Variants in UTRN observed in about 807,000 individuals in gnomAD.
The protein encoded by UTRN is dystrophin-related protein 1.
A neutral mutation model predicts 463.9 loss-of-function variants in UTRN; 283 were observed. That is an observed-to-expected ratio of 0.61 (90% CI 0.55 to 0.67). UTRN has a LOEUF of 0.67. Ranked by LOEUF, UTRN falls within the 30% of genes least tolerant of loss-of-function variation. UTRN has a pLI of 0.00. For missense variants in UTRN, 3,922 were observed against 4,084.3 expected (o/e 0.96, Z 1.08); for synonymous variants, 1,442 against 1,431.5 (o/e 1.01, Z -0.17).
At position 144,531,113 on chromosome 6, in the gene UTRN, C is replaced by G. The variant is rs1195482121; in HGVS notation, c.5968C>G (p.Gln1990Glu). ...CCATTGTGACCTTAATGACCTCACA[C>G]AGTGGATAACAGAGGCTGAAGAATT... ...QFHCDLNDLT[Q>E]WITEAEELLV... is the part of the protein sequence containing the mutation. The change falls in exon 42 of 75, where the codon CAG becomes GAG. Residue 1990 changes from glutamine (Q) to glutamate (E), a missense_variant. Coordinates refer to ENST00000367545, the MANE Select transcript of UTRN (RefSeq NM_007124.3). The G allele has an allele frequency of 6.2e-6, 10 of 1,613,906 alleles. No homozygotes were observed. Among genetic ancestry groups the G allele is most frequent in the Non-Finnish European group, 8.5e-6 (10 of 1,179,994 alleles).
rs114336646 is a variant in UTRN, at chr6:144,533,183, C to G, written c.6156C>G (p.Ser2052Arg). Residue 2052 changes from serine to arginine, a missense_variant, in exon 43 of 75, where the codon AGC becomes AGG. Physicochemically the swap from Ser to Arg is moderately radical, Grantham distance 110. Around this residue, in one of 3 missense-constraint regions of UTRN, gnomAD observed 2,349 missense variants for 2,303.8 expected, o/e 1.02. Coordinates refer to ENST00000367545, the MANE Select transcript of UTRN (RefSeq NM_007124.3). The stretch of plus-strand genomic sequence containing the variant: ...AGAAACTCTCCCAGGCAGATGGAAG[C>G]TTCTTGAAAGAAAAACTGGCAGGTT... Reference protein sequence around the residue: ...IVQKLSQADGSFLKEKLAGLN... With the variant: ...IVQKLSQADGRFLKEKLAGLN... The G allele has an allele frequency of 2.5e-6, 4 of 1,614,104 alleles. No individual in the cohort carries two copies.
chr6:144,717,299 T>G (rs1473304827), intron 53 of UTRN, among the ~76,000 whole-genome samples: 1 of 152,222 alleles, frequency 6.6e-6, no homozygotes, highest in Non-Finnish European at 1.5e-5. Context: ...AGAGGAGAAC[T>G]GGTTTGATGT....
chr6:144,675,933 G>C (rs957117216), intron 51 of UTRN, among the ~76,000 whole-genome samples: 1 of 152,018 alleles, frequency 6.6e-6, no homozygotes, highest in African/African-American at 2.4e-5. Flanking sequence ...TAAGTCTATG[G>C]CTTTTGATAT....
chr6:144,492,780 T>C (rs1007421979), intron 32 of UTRN, among the ~76,000 whole-genome samples: 2 of 152,254 alleles, frequency 1.3e-5, no homozygotes, highest in Admixed American at 6.5e-5. Context: ...CTTATAGTTA[T>C]ATACATCTTG....
intron 2 of UTRN, among the ~76,000 whole-genome samples, chr6:144,394,892 T>C (rs939818467): frequency 1.2e-4 from 19 of 152,152 alleles, no homozygotes; most frequent in African/African-American, 4.3e-4. Flanking sequence ...GGACATATTT[T>C]TGCTGCTATT....
intron 2 of UTRN, among the ~76,000 whole-genome samples, chr6:144,337,194 CCACACA>C (rs772582196): frequency 7.1e-5 from 9 of 126,702 alleles, no homozygotes; most frequent in Non-Finnish European, 1.2e-4. Flanking sequence ...CACACACACA[CCACACA>C]CACACACACA....
Position 144,438,918 on chromosome 6 carries a change from C to T in UTRN, c.1392+23C>T, listed in dbSNP as rs375252989. On this transcript the variant is annotated intron_variant, in intron 12 of 74. Coordinates refer to ENST00000367545, the MANE Select transcript of UTRN (RefSeq NM_007124.3). ...AAAGTAAATCTGTCTCATATTTCTT[C>T]GATACCTTATCAAATATGAAAGAGC... The T allele has an allele frequency of 2.9e-5, 46 of 1,611,226 alleles. 1 individual carries two copies. The Middle Eastern group carries it at 6.6e-4, about 23-fold the overall frequency.
intron 2 of UTRN, among the ~76,000 whole-genome samples, chr6:144,336,184 G>A (rs1331282148): frequency 6.6e-6 from 1 of 152,196 alleles, no homozygotes; most frequent in Non-Finnish European, 1.5e-5. Context: ...GCTGCGGCAG[G>A]TGGTGGCCAG....
chr6:144,542,681 G>A (rs966454269), intron 45 of UTRN, 114 bp from the exon 46 acceptor site: 22 of 1,060,960 alleles, frequency 2.1e-5, no homozygotes, highest in South Asian at 6.4e-5. Flanking sequence ...AGTTTAGGTC[G>A]TTAGGGGAAG....
At chr6:144,411,995 C>T (rs1783935357) in intron 3 of UTRN, among the ~76,000 whole-genome samples, 1 of 152,130 alleles carries the variant, frequency 6.6e-6, no homozygotes, top group African/African-American at 2.4e-5. Flanking sequence ...GGCATTATTG[C>T]AGTGCCCTCA....
At chr6:144,393,023 CCATCCATCCATCCATCCATCCATCCATT>C (rs1365785594) in intron 2 of UTRN, among the ~76,000 whole-genome samples, 2 of 151,670 alleles carry the variant, frequency 1.3e-5, no homozygotes, top group African/African-American at 4.9e-5. Flanking sequence ...ATCCATCCAT[CCATCCATCCATCCATCCATCCATCCATT>C]CATCCATCCA....
chr6:144,294,752 C>T (rs894991840), intron 2 of UTRN, among the ~76,000 whole-genome samples: 5 of 151,658 alleles, frequency 3.3e-5, no homozygotes, highest in Non-Finnish European at 7.4e-5. Flanking sequence ...TTTTATTGTC[C>T]TCACTTAGTA....
At chr6:144,771,209 G>A (rs914405200) in intron 58 of UTRN, among the ~76,000 whole-genome samples, 1 of 152,080 alleles carries the variant, frequency 6.6e-6, no homozygotes, top group African/African-American at 2.4e-5. Flanking sequence ...TTTCAGTTCT[G>A]TTTGAAATAG....
chr6:144,789,365 T>C (rs1382423394), intron 62 of UTRN, 86 bp downstream of exon 62: 4 of 1,156,716 alleles, frequency 3.5e-6, no homozygotes, highest in Non-Finnish European at 4.9e-6. Context: ...TTATATAATT[T>C]GTTAGTAGTA....
intron 52 of UTRN, among the ~76,000 whole-genome samples, chr6:144,695,634 C>T (rs776845090): frequency 2.0e-5 from 3 of 152,206 alleles, no homozygotes; most frequent in African/African-American, 7.2e-5. Flanking sequence ...TGAGCCACTG[C>T]GCTCAGCCTA....
intron 2 of UTRN, among the ~76,000 whole-genome samples, chr6:144,321,454 G>A (rs1584271601): frequency 6.8e-6 from 1 of 147,320 alleles, no homozygotes; most frequent in South Asian, 2.1e-4. Context: ...AAGTAGCTGT[G>A]CCATATCTTT....
intron 53 of UTRN, among the ~76,000 whole-genome samples, chr6:144,727,418 C>G (rs935748900): frequency 6.6e-6 from 1 of 152,132 alleles, no homozygotes; most frequent in African/African-American, 2.4e-5. Context: ...CTTCCCCTTC[C>G]CCAGGAAGAA....
At chr6:144,828,368 G>C (rs1379912152) in intron 68 of UTRN, among the ~76,000 whole-genome samples, 1 of 152,090 alleles carries the variant, frequency 6.6e-6, no homozygotes, top group African/African-American at 2.4e-5. Context: ...CAGAAGTTGA[G>C]GTCTGATAAT....
intron 51 of UTRN, among the ~76,000 whole-genome samples, chr6:144,666,863 G>A (rs904557919): frequency 6.6e-6 from 1 of 152,118 alleles, no homozygotes; most frequent in African/African-American, 2.4e-5. Flanking sequence ...ATTCCCATTC[G>A]TCGTGGTAGC....
Sources: gnomAD v4.1 joint callset for allele counts (sites outside exome capture counted in the v4.1 genomes callset) on GRCh38, gnomAD v4.1.1 for gene constraint, gnomAD v4.1.1 regional missense constraint, MANE v1.5 for transcripts, NCBI Gene and HGNC (gene_info 2026-07-23, HGNC 2026-07-21) for gene names.